The following GAGE10 variants were observed in gnomAD, a reference collection of about 807,000 sequenced individuals.
The protein encoded by GAGE10 is G antigen 10.
A neutral mutation model predicts 11.5 loss-of-function variants in GAGE10; 9 were observed. That is an observed-to-expected ratio of 0.78 (90% CI 0.47 to 1.37). GAGE10 has a LOEUF of 1.37. Ranked by LOEUF, GAGE10 falls within the 40% of genes most tolerant of loss-of-function variation. The pLI, the probability that GAGE10 is intolerant of heterozygous loss-of-function variation, is 0.00. For synonymous variants in GAGE10, 23 were observed against 29.7 expected, an observed-to-expected ratio of 0.77 and a Z score of 0.73; for missense variants, 83 against 92.9, an observed-to-expected ratio of 0.89 and a Z score of 0.44.
chrX:49,317,117 T>C (rs781874238), intron 3 of GAGE10, 46 bp from the exon 4 acceptor site: 20 of 1,145,253 alleles, frequency 1.7e-5, no homozygotes, highest in African/African-American at 3.6e-5. Context: ...CTTATTCATA[T>C]TTCATGTTTT....
chrX:49,304,561 G>A (rs1456964629), intron 1 of GAGE10, among the ~76,000 whole-genome samples: 1 of 111,307 alleles, frequency 9.0e-6, no homozygotes, highest in African/African-American at 3.3e-5. Context: ...CTGTGATCAC[G>A]CCGCTGCACT....
Position 49,317,164 on chromosome X carries a change from G to A in GAGE10, c.204G>A (p.Gly68=). ...TGATATGTATTTTTTATTTTTAATG[G>A]CCGAAGCCTGAAGCTGATAGCCAGG... ...GEDEGASAGQ[G]PKPEADSQEQ... The change falls in exon 4 of 5, where the codon GGG becomes GGA. Residue 68 remains glycine (G), a splice_region_variant and synonymous_variant. Coordinates refer to ENST00000407599, the MANE Select transcript of GAGE10 (RefSeq NM_001098413.4). 1 of 1,200,541 alleles carries A rather than the reference G, an allele frequency of 8.3e-7. No individual in the cohort carries two copies. Among genetic ancestry groups the A allele is most frequent in the Non-Finnish European group, 1.1e-6 (1 of 888,793 alleles).
chrX:49,313,692 A>T (rs1473516447), intron 3 of GAGE10, among the ~76,000 whole-genome samples: 1 of 111,899 alleles, frequency 8.9e-6, no homozygotes, highest in African/African-American at 3.3e-5. Context: ...CTGCTGTTAA[A>T]GTTGCAGGTG....
In GAGE10 at chrX:49,308,872, C is replaced by T. The variant is rs182084956; in HGVS notation, c.202+3348C>T. 6.3e-5 allele frequency among the ~76,000 whole-genome samples: 7 copies of T among 111,469 alleles called. No individual in the cohort carries two copies. In the East Asian group the frequency reaches 1.7e-3, roughly 27 times the overall value. On this transcript the variant is annotated intron_variant, in intron 3 of 4. Transcript: ENST00000407599. Reference sequence around the variant, plus strand: ...GAATGTGGGAGCCTAACTAGGCTCACCCAGGACACGGGAGAGGCCCGTTTT... The same window carrying T: ...GAATGTGGGAGCCTAACTAGGCTCATCCAGGACACGGGAGAGGCCCGTTTT...
intron 1 of GAGE10, among the ~76,000 whole-genome samples, chrX:49,304,555 G>C (rs2066348377): frequency 9.0e-6 from 1 of 111,623 alleles, no homozygotes; most frequent in South Asian, 3.7e-4. Context: ...AGTGAGCTGT[G>C]ATCACGCCGC....
chrX:49,311,529 G>A (rs1437068459), intron 3 of GAGE10, among the ~76,000 whole-genome samples: 8 of 111,652 alleles, frequency 7.2e-5, no homozygotes, highest in Admixed American at 3.8e-4. Context: ...GGATTCTGCC[G>A]AATCTGGATT....
chrX:49,311,130 C>T (rs2147986963), intron 3 of GAGE10, among the ~76,000 whole-genome samples: 1 of 111,655 alleles, frequency 9.0e-6, no homozygotes, highest in African/African-American at 3.3e-5. Context: ...TGAGGACAAC[C>T]CCCCTGGACT....
chrX:49,310,595 G>T (rs1461129415), intron 3 of GAGE10, among the ~76,000 whole-genome samples: 1 of 111,606 alleles, frequency 9.0e-6, no homozygotes, highest in African/African-American at 3.3e-5. Flanking sequence ...TGATCTGATC[G>T]GCTTAGCGGG....
chrX:49,308,678 G>A (rs1602726855), intron 3 of GAGE10, among the ~76,000 whole-genome samples: 1 of 112,168 alleles, frequency 8.9e-6, no homozygotes, highest in Middle Eastern at 4.6e-3. Flanking sequence ...GAGAAAATGG[G>A]CCAATAGAGT....
At chrX:49,315,545 G>A (rs1422107575) in intron 3 of GAGE10, among the ~76,000 whole-genome samples, 1 of 112,049 alleles carries the variant, frequency 8.9e-6, no homozygotes, top group Non-Finnish European at 1.9e-5. Context: ...AGATTTATTG[G>A]CAATACAAGC....
At chrX:49,308,216 A>G (rs2086035545) in intron 3 of GAGE10, among the ~76,000 whole-genome samples, 1 of 112,254 alleles carries the variant, frequency 8.9e-6, no homozygotes, top group African/African-American at 3.2e-5. Context: ...AAATAATTAA[A>G]TAATTCCTCC....
At chrX:49,309,491 T>G (rs1241190506) in intron 3 of GAGE10, among the ~76,000 whole-genome samples, 1 of 112,030 alleles carries the variant, frequency 8.9e-6, no homozygotes, top group Non-Finnish European at 1.9e-5. Context: ...GCCTAGCAGT[T>G]TATTGTAGAA....
chrX:49,306,488 A>C (rs1348646007), intron 3 of GAGE10, among the ~76,000 whole-genome samples: 10 of 112,249 alleles, frequency 8.9e-5, no homozygotes, highest in African/African-American at 2.9e-4. Flanking sequence ...CTCAATAAGT[A>C]ATGGGTGTCA....
In GAGE10 at chrX:49,317,272, G is replaced by A. The variant is rs1488987872; in HGVS notation, c.312G>A (p.Val104=). The A allele has an allele frequency of 1.7e-6, 2 of 1,206,477 alleles. No individual in the cohort carries two copies. Among genetic ancestry groups the A allele is most frequent in the Admixed American group, 2.2e-5 (1 of 45,844 alleles). ...QEMGLPNPEE[V]KRPEEGEKQS... is the part of the protein sequence containing the mutation. Reference sequence around the variant, plus strand: ...TGGGCCTGCCAAATCCAGAGGAGGTGAAAAGGCCTGAAGAAGGTAGGGAAT... The same window carrying A: ...TGGGCCTGCCAAATCCAGAGGAGGTAAAAAGGCCTGAAGAAGGTAGGGAAT... The change falls in exon 4 of 5, where the codon GTG becomes GTA. Residue 104 remains valine, a synonymous_variant. Transcript: ENST00000407599.
At chrX:49,309,929 C>T (rs2066370520) in intron 3 of GAGE10, among the ~76,000 whole-genome samples, 1 of 112,255 alleles carries the variant, frequency 8.9e-6, no homozygotes, top group Non-Finnish European at 1.9e-5. Flanking sequence ...AGGACCCCCA[C>T]TAGGACCCAG....
At chrX:49,312,335 G>T (rs1167931627) in intron 3 of GAGE10, among the ~76,000 whole-genome samples, 1 of 112,936 alleles carries the variant, frequency 8.9e-6, no homozygotes, top group African/African-American at 3.2e-5. Context: ...CCAAGGGGAA[G>T]AAAGTAAACA....
At chrX:49,319,299 T>A in intron 4 of GAGE10, among the ~76,000 whole-genome samples, 2 of 110,799 alleles carry the variant, frequency 1.8e-5, no homozygotes, top group Non-Finnish European at 3.8e-5. Flanking sequence ...CTATTTCTAA[T>A]AAGACGGTAG....
intron 3 of GAGE10, among the ~76,000 whole-genome samples, chrX:49,314,550 G>C (rs1486708019): frequency 8.9e-6 from 1 of 112,494 alleles, no homozygotes; most frequent in Non-Finnish European, 1.9e-5. Flanking sequence ...CTCGTCTACA[G>C]GACAGACAGC....
chrX:49,311,917 G>A (rs1391050275), intron 3 of GAGE10, among the ~76,000 whole-genome samples: 1 of 112,543 alleles, frequency 8.9e-6, no homozygotes, highest in Non-Finnish European at 1.9e-5. Context: ...GGTGCCACAC[G>A]CTATAGTCAC....
Sources: allele counts gnomAD v4.1 joint callset (sites outside exome capture counted in the v4.1 genomes callset), GRCh38; gene constraint gnomAD v4.1.1; transcripts MANE v1.5; gene names NCBI Gene and HGNC (gene_info 2026-07-23, HGNC 2026-07-21).